CD83: variants seen among roughly 807,000 people sequenced by gnomAD.
The protein encoded by CD83 is CD83 antigen.
A neutral mutation model predicts 24.6 loss-of-function variants in CD83; 22 were observed. The ratio of observed to expected loss-of-function variants is 0.90; its 90% CI spans 0.64 to 1.28. CD83 has a LOEUF of 1.28. Ranked by LOEUF, CD83 falls within the 50% of genes most tolerant of loss-of-function variation. The probability of loss-of-function intolerance (pLI) is 0.00; values close to 1 mark genes in which losing one functional copy is unlikely to be tolerated. For missense variants in CD83, 253 were observed against 252.8 expected, an observed-to-expected ratio of 1.00 and a Z score of -0.01; for synonymous variants, 101 against 103.5, an observed-to-expected ratio of 0.98 and a Z score of 0.14.
At position 14,136,874 on chromosome 6, in the gene CD83, A is replaced by G. The variant is rs546481647; in HGVS notation, c.*1638A>G. 1 of 152,288 alleles carries G rather than the reference A, an allele frequency of 6.6e-6. No homozygotes were observed. Among genetic ancestry groups the G allele is most frequent in the Non-Finnish European group, 1.5e-5 (1 of 68,020 alleles). 9.4% of individuals were successfully genotyped at this position (152,288 alleles called of 1,614,324 possible). A position where few individuals can be genotyped will look rare whatever the true frequency, so the allele number is the denominator to read the frequency against. Reference sequence around the variant, plus strand: ...AAGTTAAAAATAAAAAACATATACAAATAAAAAAATCCCGACTTTGGGATG... The same window carrying G: ...AAGTTAAAAATAAAAAACATATACAGATAAAAAAATCCCGACTTTGGGATG... On this transcript the variant is annotated 3_prime_UTR_variant, in exon 5 of 5. Coordinates refer to ENST00000379153, the MANE Select transcript of CD83 (RefSeq NM_004233.4).
At position 14,120,938 on chromosome 6, in the gene CD83, C is replaced by T. The variant is rs112405299; in HGVS notation, c.153+2873C>T. Among the ~76,000 whole-genome samples, 849 of 152,186 alleles carry T rather than the reference C, an allele frequency of 5.6e-3. 10 individuals are homozygous for T. The highest frequency in any genetic ancestry group is 0.02 in the African/African-American group (813 of 41,514). On this transcript the variant is annotated intron_variant, in intron 2 of 4. Transcript: ENST00000379153. ...ATGCAGTGAGATGGGCTAGAGGGGA[C>T]TTAATAGACACATGTGCAAGAGGCT...
intron 3 of CD83, among the ~76,000 whole-genome samples, chr6:14,132,282 T>C (rs1233678103): frequency 1.3e-5 from 2 of 152,216 alleles, no homozygotes; most frequent in Non-Finnish European, 2.9e-5. Flanking sequence ...TGCGTTTTCT[T>C]CTCTGATGTA....
chr6:14,120,769 G>A (rs957733414), intron 2 of CD83, among the ~76,000 whole-genome samples: 13 of 152,200 alleles, frequency 8.5e-5, no homozygotes, highest in African/African-American at 3.1e-4. Context: ...ACTGATACTT[G>A]TAATTAACAA....
chr6:14,126,092 G>A (rs967468920), intron 2 of CD83, among the ~76,000 whole-genome samples: 1 of 152,222 alleles, frequency 6.6e-6, no homozygotes, highest in African/African-American at 2.4e-5. Context: ...CAGAGGTGAA[G>A]TGACATATGG....
At chr6:14,123,871 C>G (rs1229227357) in intron 2 of CD83, among the ~76,000 whole-genome samples, 2 of 151,360 alleles carry the variant, frequency 1.3e-5, no homozygotes, top group African/African-American at 4.9e-5. Flanking sequence ...TGTCACTACA[C>G]AAAGAAGAGG....
intron 2 of CD83, among the ~76,000 whole-genome samples, chr6:14,125,541 G>A (rs1759784476): frequency 6.6e-6 from 1 of 152,090 alleles, no homozygotes; most frequent in South Asian, 2.1e-4. Flanking sequence ...ACTTTGACTG[G>A]GTCACGTGCC....
chr6:14,128,098 G>T (rs1759862919), intron 2 of CD83, among the ~76,000 whole-genome samples: 1 of 152,216 alleles, frequency 6.6e-6, no homozygotes. Flanking sequence ...CTTGCCAGTG[G>T]TTGATTTTGA....
intron 3 of CD83, 111 bp from the exon 4 acceptor site, chr6:14,133,538 G>C (rs1011515883): frequency 1.3e-5 from 9 of 697,038 alleles, no homozygotes; most frequent in Non-Finnish European, 2.3e-5. Flanking sequence ...CTGATGGTGG[G>C]AAGAGGAGAC....
intron 2 of CD83, among the ~76,000 whole-genome samples, chr6:14,128,411 T>A (rs1293582003): frequency 1.3e-5 from 2 of 152,160 alleles, no homozygotes; most frequent in African/African-American, 4.8e-5. Context: ...ATTCCACAGC[T>A]GGGGGTCACA....
At position 14,125,470 on chromosome 6, in the gene CD83, C is replaced by G. The variant is rs1006364033; in HGVS notation, c.154-6050C>G. 2.6e-5 allele frequency among the ~76,000 whole-genome samples: 4 copies of G among 152,176 alleles called. 1 individual carries two copies. Among genetic ancestry groups the G allele is most frequent in the Non-Finnish European group, 5.9e-5 (4 of 68,020 alleles). The stretch of plus-strand genomic sequence containing the variant: ...CTGTATATCCTTCCAGAAGCAAGTG[C>G]AAAGGAGAAGGTTGTGTTTCTCTTC... On this transcript the variant is annotated intron_variant, in intron 2 of 4. Coordinates refer to ENST00000379153, the MANE Select transcript of CD83 (RefSeq NM_004233.4).
intron 4 of CD83, 133 bp from the exon 5 acceptor site, chr6:14,134,975 G>A (rs41271291): frequency 1.4e-5 from 11 of 783,152 alleles, no homozygotes; most frequent in Admixed American, 9.7e-5. Context: ...CTTGTGGAGC[G>A]AGTGAGGCAG....
At position 14,118,046 on chromosome 6, in the gene CD83, A is replaced by C. The variant is rs773292889; in HGVS notation, c.134A>C (p.Tyr45Ser). 1 of 1,608,672 alleles carries C rather than the reference A, an allele frequency of 6.2e-7. No homozygotes were observed. The highest frequency in any genetic ancestry group is 1.3e-5 in the African/African-American group (1 of 74,700). Residue 45 changes from tyrosine (Y) to serine (S), a missense_variant, in exon 2 of 5, where the codon TAC (tyrosine) becomes TCC (serine). Physicochemically the swap from Tyr to Ser is moderately radical, Grantham distance 144. Transcript: ENST00000379153. ...GCCCCCTGGGATCCGCAGGTTCCCT[A>C]CACGGTCTCCTGGGTCAAGGTAGGT... is the stretch of plus-strand genomic sequence containing the variant. ...CTAPWDPQVP[Y>S]TVSWVKLLEG...
At chr6:14,122,974 T>G (rs1274220823) in intron 2 of CD83, among the ~76,000 whole-genome samples, 1 of 152,314 alleles carries the variant, frequency 6.6e-6, no homozygotes, top group Middle Eastern at 3.4e-3. Context: ...GGCTGAGAGA[T>G]AACATTAGAA....
intron 2 of CD83, among the ~76,000 whole-genome samples, chr6:14,123,107 T>G (rs932357044): frequency 1.3e-5 from 2 of 151,932 alleles, no homozygotes; most frequent in African/African-American, 4.8e-5. Context: ...TTTGTTTTTT[T>G]TTTTTTTGAG....
In CD83 at chr6:14,135,381, C is replaced by A. The variant is rs1164545421; in HGVS notation, c.*145C>A. On this transcript the variant is annotated 3_prime_UTR_variant, in exon 5 of 5. Coordinates refer to ENST00000379153, the MANE Select transcript of CD83 (RefSeq NM_004233.4). Reference sequence around the variant, plus strand: ...TCACTGAAAACATCTGGAAGGGGATCCCACCCCATTTTCTGTGGGCAGGCC... The same window carrying A: ...TCACTGAAAACATCTGGAAGGGGATACCACCCCATTTTCTGTGGGCAGGCC... 4.6e-6 allele frequency: 4 copies of A among 870,846 alleles called. No homozygotes were observed. Among genetic ancestry groups the A allele is most frequent in the African/African-American group, 1.7e-5 (1 of 59,600 alleles). 53.9% of individuals were successfully genotyped at this position (870,846 alleles called of 1,614,324 possible).
intron 2 of CD83, among the ~76,000 whole-genome samples, chr6:14,120,241 AT>A (rs1286714542): frequency 3.9e-5 from 6 of 152,010 alleles, no homozygotes; most frequent in African/African-American, 7.3e-5. Context: ...TCCTTTAAGC[AT>A]TTTTTTTAAA....
At chr6:14,125,120 C>T (rs1300988657) in intron 2 of CD83, among the ~76,000 whole-genome samples, 1 of 152,202 alleles carries the variant, frequency 6.6e-6, no homozygotes, top group Non-Finnish European at 1.5e-5. Flanking sequence ...CTTCAGAGAG[C>T]TTGGCCCTGG....
intron 2 of CD83, among the ~76,000 whole-genome samples, chr6:14,119,602 G>A (rs1383312642): frequency 6.6e-6 from 1 of 152,122 alleles, no homozygotes; most frequent in South Asian, 2.1e-4. Context: ...GGATTTGAAC[G>A]AAGCAGTCTG....
At chr6:14,120,295 C>T (rs879284042) in intron 2 of CD83, among the ~76,000 whole-genome samples, 3 of 151,862 alleles carry the variant, frequency 2.0e-5, no homozygotes, top group African/African-American at 7.3e-5. Flanking sequence ...ATTTTCCAGC[C>T]CAATAATTAT....
Sources: allele counts gnomAD v4.1 joint callset (sites outside exome capture counted in the v4.1 genomes callset), GRCh38; gene constraint gnomAD v4.1.1; transcripts MANE v1.5; gene names NCBI Gene and HGNC (gene_info 2026-07-23, HGNC 2026-07-21).